Variants in CYREN observed in about 807,000 individuals in gnomAD.
The protein encoded by CYREN is cell cycle regulator of non-homologous end joining.
A neutral mutation model predicts 9.7 loss-of-function variants in CYREN; 7 were observed. The observed-to-expected ratio is 0.72, with a 90% CI of 0.41 to 1.36. The LOEUF (loss-of-function observed/expected upper bound fraction) is 1.36, where lower values mean the gene tolerates loss of function less well. Ranked by LOEUF, CYREN falls within the 40% of genes most tolerant of loss-of-function variation. The pLI is 0.01. For missense variants in CYREN, 215 were observed against 198.1 expected, an observed-to-expected ratio of 1.09 and a Z score of -0.51; for synonymous variants, 76 against 77.9, an observed-to-expected ratio of 0.98 and a Z score of 0.13.
chr7:135,167,085 G>A (rs928270653), intron 3 of CYREN: 3 of 985,244 alleles, frequency 3.0e-6, no homozygotes, highest in Non-Finnish European at 3.6e-6. Flanking sequence ...GAACCCACTC[G>A]GGAGAGAAGC....
chr7:135,140,226 T>C (rs1255137259), intron 2 of CYREN, among the ~76,000 whole-genome samples: 2 of 152,006 alleles, frequency 1.3e-5, no homozygotes, highest in African/African-American at 4.8e-5. Flanking sequence ...TTTGTGTCAT[T>C]TCTTATTTTT....
At chr7:135,145,266 A>C (rs1347582435) in intron 2 of CYREN, among the ~76,000 whole-genome samples, 1 of 152,248 alleles carries the variant, frequency 6.6e-6, no homozygotes, top group Non-Finnish European at 1.5e-5. Flanking sequence ...AGATCAAGTT[A>C]GAATGAAGAT....
At chr7:135,128,420 G>T (rs1024538710) in intron 2 of CYREN, 1 of 650,820 alleles carries the variant, frequency 1.5e-6, no homozygotes, top group Admixed American at 2.0e-5. Context: ...TGGTCATCTT[G>T]GTTTTGTTCC....
intron 2 of CYREN, among the ~76,000 whole-genome samples, chr7:135,125,444 G>A (rs531024873): frequency 3.9e-5 from 6 of 152,118 alleles, no homozygotes; most frequent in East Asian, 1.9e-4. Context: ...ACGGATTCAC[G>A]GCTGAATTTT....
At chr7:135,101,250 A>G (rs1487515844) in intron 2 of CYREN, 1 of 456,124 alleles carries the variant, frequency 2.2e-6, no homozygotes, top group African/African-American at 2.0e-5. Flanking sequence ...TTCTACTTGG[A>G]CTGAGAAGAC....
At chr7:135,099,497 G>A (rs1162061779) in intron 2 of CYREN, among the ~76,000 whole-genome samples, 2 of 152,114 alleles carry the variant, frequency 1.3e-5, no homozygotes, top group Admixed American at 6.5e-5. Context: ...CCTAACTTCA[G>A]ATATTTTATG....
intron 2 of CYREN, among the ~76,000 whole-genome samples, chr7:135,100,232 T>C (rs1265832971): frequency 1.3e-5 from 2 of 151,556 alleles, no homozygotes; most frequent in African/African-American, 4.9e-5. Flanking sequence ...GATAATTATC[T>C]AGCACTTTAG....
At chr7:135,093,089 G>A (rs1365360102) in exon 3 of CYREN, 14 of 151,086 alleles carry the variant, frequency 9.3e-5, no homozygotes, top group Admixed American at 3.3e-4. Flanking sequence ...ATAGTTGGTA[G>A]TGCAAGACTA....
intron 2 of CYREN, among the ~76,000 whole-genome samples, chr7:135,127,550 T>TA (rs34308951): frequency 3.3e-4 from 48 of 146,438 alleles, no homozygotes; most frequent in Middle Eastern, 3.5e-3. Flanking sequence ...AGTCTCCGTC[T>TA]AAAAAAAAAA....
chr7:135,108,555 G>A (rs1825124363), intron 2 of CYREN, among the ~76,000 whole-genome samples: 1 of 152,154 alleles, frequency 6.6e-6, no homozygotes, highest in Non-Finnish European at 1.5e-5. Context: ...CTGGCTTGTA[G>A]GGTTTCTGCT....
intron 2 of CYREN, among the ~76,000 whole-genome samples, chr7:135,109,264 G>C (rs564786065): frequency 6.6e-6 from 1 of 152,172 alleles, no homozygotes; most frequent in African/African-American, 2.4e-5. Flanking sequence ...TTGGGCCATC[G>C]AACTGCCAGA....
downstream of CYREN, chr7:135,165,136 G>A: frequency 1.9e-6 from 2 of 1,078,152 alleles, no homozygotes; most frequent in East Asian, 2.6e-5. Context: ...GGGCCCCTGT[G>A]TCAAAGAGGC....
chr7:135,108,075 T>C (rs2117101332), intron 2 of CYREN, among the ~76,000 whole-genome samples: 1 of 152,288 alleles, frequency 6.6e-6, no homozygotes, highest in East Asian at 1.9e-4. Context: ...TAGATTCTTC[T>C]CCATCCCTTT....
downstream of CYREN, chr7:135,164,844 C>T: frequency 6.2e-7 from 1 of 1,614,012 alleles, no homozygotes; most frequent in Non-Finnish European, 8.5e-7. Flanking sequence ...GGGCCTCTTC[C>T]TCTCCTATGT....
chr7:135,169,493 A>C (rs1830491451), intron 1 of CYREN: 1 of 152,174 alleles, frequency 6.6e-6, no homozygotes, highest in Non-Finnish European at 1.5e-5. Context: ...GTTAAATGAA[A>C]CTGAGGGCAT....
At chr7:135,142,226 C>T (rs1047382542) in intron 2 of CYREN, among the ~76,000 whole-genome samples, 14 of 151,788 alleles carry the variant, frequency 9.2e-5, no homozygotes, top group African/African-American at 3.2e-4. Context: ...CTATTTCAGA[C>T]AATTTATTTC....
downstream of CYREN, chr7:135,164,378 G>A: frequency 6.7e-7 from 1 of 1,485,042 alleles, no homozygotes; most frequent in Middle Eastern, 2.0e-4. Context: ...CAGGGAACAA[G>A]CAAGGGAGAG....
intron 2 of CYREN, chr7:135,168,052 G>C (rs1294929879): frequency 3.5e-6 from 2 of 574,110 alleles, no homozygotes; most frequent in South Asian, 4.2e-5. Flanking sequence ...GCCCTACAAG[G>C]ATCTGGAAGT....
intron 2 of CYREN, among the ~76,000 whole-genome samples, chr7:135,159,892 T>C (rs1321058939): frequency 6.6e-6 from 1 of 152,194 alleles, no homozygotes; most frequent in Admixed American, 6.5e-5. Context: ...TATGCAATAC[T>C]GGGGAGGATG....
Sources: allele counts gnomAD v4.1 joint callset (sites outside exome capture counted in the v4.1 genomes callset), GRCh38; gene constraint gnomAD v4.1.1; transcripts MANE v1.5; gene names NCBI Gene and HGNC (gene_info 2026-07-23, HGNC 2026-07-21).